ZFHX4: variants seen among roughly 807,000 people sequenced by gnomAD.
ZFHX4 encodes the protein zinc finger homeobox 4.
ZFHX4 carries 56 observed loss-of-function variants against 267.6 expected under a neutral mutation model. The ratio of observed to expected loss-of-function variants is 0.21; its 90% CI spans 0.17 to 0.26. ZFHX4 has a LOEUF of 0.26. ZFHX4 is among the 10% of genes least tolerant of loss of function. The pLI, the probability that ZFHX4 is intolerant of heterozygous loss-of-function variation, is 1.00. For synonymous variants in ZFHX4, 1,778 were observed against 1,665.6 expected, an observed-to-expected ratio of 1.07 and a Z score of -1.64; for missense variants, 4,332 against 4,420.0, an observed-to-expected ratio of 0.98 and a Z score of 0.56.
At chr8:76,816,391 C>A (rs1024503806) in intron 4 of ZFHX4, among the ~76,000 whole-genome samples, 1 of 152,020 alleles carries the variant, frequency 6.6e-6, no homozygotes, top group Non-Finnish European at 1.5e-5. Context: ...GGTTCTTTTG[C>A]CTCAAGAATA....
At chr8:76,690,326 T>A (rs1807792240) in intron 1 of ZFHX4, among the ~76,000 whole-genome samples, 1 of 152,070 alleles carries the variant, frequency 6.6e-6, no homozygotes, top group Non-Finnish European at 1.5e-5. Flanking sequence ...AATCCATAGT[T>A]CTAACAATGT....
At chr8:76,692,660 A>G (rs542755225) in intron 1 of ZFHX4, among the ~76,000 whole-genome samples, 7 of 152,196 alleles carry the variant, frequency 4.6e-5, no homozygotes, top group African/African-American at 1.4e-4. Context: ...ATATAAATAC[A>G]ATTTTTTGAA....
intron 3 of ZFHX4, among the ~76,000 whole-genome samples, chr8:76,737,374 C>G (rs528322566): frequency 1.3e-5 from 2 of 152,230 alleles, no homozygotes; most frequent in Admixed American, 6.5e-5. Context: ...ACATTTTATT[C>G]TGATGGATTA....
chr8:76,740,944 A>G (rs1809299817), intron 3 of ZFHX4, among the ~76,000 whole-genome samples: 1 of 152,292 alleles, frequency 6.6e-6, no homozygotes, highest in Admixed American at 6.5e-5. Flanking sequence ...TAGTTTTGAA[A>G]AATCACATCA....
chr8:76,685,735 G>T (rs771271654), intron 1 of ZFHX4, among the ~76,000 whole-genome samples: 3 of 152,104 alleles, frequency 2.0e-5, no homozygotes, highest in Non-Finnish European at 4.4e-5. Flanking sequence ...TGGGGCAGAG[G>T]AGTTTTCAAT....
intron 4 of ZFHX4, among the ~76,000 whole-genome samples, chr8:76,824,336 T>C (rs1392963100): frequency 1.3e-5 from 2 of 152,190 alleles, no homozygotes; most frequent in East Asian, 1.9e-4. Context: ...AATCCAATAT[T>C]TGTGTACAGA....
intron 3 of ZFHX4, among the ~76,000 whole-genome samples, chr8:76,734,078 GTACT>G (rs1435752416): frequency 2.6e-5 from 4 of 152,122 alleles, no homozygotes; most frequent in Admixed American, 2.6e-4. Flanking sequence ...GGGCTTAGGA[GTACT>G]TAGTTATCCC....
chr8:76,789,226 G>T (rs1585946532), intron 4 of ZFHX4, among the ~76,000 whole-genome samples: 1 of 152,108 alleles, frequency 6.6e-6, no homozygotes, highest in East Asian at 1.9e-4. Context: ...AGACTGTTTT[G>T]ACTGTCTACA....
At chr8:76,735,329 G>A (rs1809130400) in intron 3 of ZFHX4, among the ~76,000 whole-genome samples, 1 of 152,076 alleles carries the variant, frequency 6.6e-6, no homozygotes, top group South Asian at 2.1e-4. Context: ...ATTTCAGAAA[G>A]TGTTACAAGA....
Position 76,762,292 on chromosome 8 carries a change from T to C in ZFHX4, c.3094-15916T>C, listed in dbSNP as rs369215577. Among the ~76,000 whole-genome samples the C allele has an allele frequency of 1.1e-4, 17 of 152,262 alleles. 1 individual carries two copies. Among genetic ancestry groups the C allele is most frequent in the African/African-American group, 4.1e-4 (17 of 41,556 alleles). On this transcript the variant is annotated intron_variant, in intron 3 of 10. Transcript: ENST00000651372. ...ATAGAGTACAGTAATTATTTCTCTA[T>C]TAGGCATAAGAACTTCTAGCAACAA...
chr8:76,717,156 C>G (rs1808597430), intron 3 of ZFHX4, among the ~76,000 whole-genome samples: 1 of 152,124 alleles, frequency 6.6e-6, no homozygotes, highest in South Asian at 2.1e-4. Flanking sequence ...CTTGCTACTT[C>G]TTAGGATTTA....
chr8:76,847,907 G>A (rs1173608212), intron 6 of ZFHX4, among the ~76,000 whole-genome samples: 2 of 152,002 alleles, frequency 1.3e-5, no homozygotes, highest in Middle Eastern at 3.2e-3. Flanking sequence ...GATTACGCCT[G>A]GACTATATAT....
Position 76,704,458 on chromosome 8 carries a change from G to T in ZFHX4, c.370G>T (p.Val124Leu). Reference sequence around the variant, plus strand: ...GATCAGCGAGTTAGAGGACAGTGACGTGGAAAATCTAACAGGGGAGATCGT... The same window carrying T: ...GATCAGCGAGTTAGAGGACAGTGACTTGGAAAATCTAACAGGGGAGATCGT... ...SEISELEDSD[V>L]ENLTGEIVYQ... Residue 124 changes from valine (V) to leucine (L), a missense_variant, in exon 2 of 11, where the codon GTG becomes TTG. Coordinates refer to ENST00000651372, the MANE Select transcript of ZFHX4 (RefSeq NM_024721.5). 6.2e-7 allele frequency: 1 copy of T among 1,613,996 alleles called. No individual in the cohort carries two copies. Among genetic ancestry groups the T allele is most frequent in the South Asian group, 1.1e-5 (1 of 91,076 alleles).
At chr8:76,766,411 G>C (rs904816965) in intron 3 of ZFHX4, among the ~76,000 whole-genome samples, 1 of 152,014 alleles carries the variant, frequency 6.6e-6, no homozygotes, top group South Asian at 2.1e-4. Flanking sequence ...TATTTAAAAC[G>C]ATCTGTTCCA....
At chr8:76,754,627 A>G (rs1397824238) in intron 3 of ZFHX4, among the ~76,000 whole-genome samples, 1 of 152,214 alleles carries the variant, frequency 6.6e-6, no homozygotes, top group Admixed American at 6.5e-5. Flanking sequence ...ATACACGTAT[A>G]TGATGTGTGG....
chr8:76,732,721 G>T (rs1263758428), intron 3 of ZFHX4, among the ~76,000 whole-genome samples: 1 of 152,178 alleles, frequency 6.6e-6, no homozygotes. Context: ...GCAAAAATGG[G>T]CAAGGGCTTT....
chr8:76,822,416 T>C (rs184785205), intron 4 of ZFHX4, among the ~76,000 whole-genome samples: 75 of 151,808 alleles, frequency 4.9e-4, no homozygotes, highest in African/African-American at 1.7e-3. Flanking sequence ...CTTTGGCCAC[T>C]ATTTTACCAA....
At chr8:76,811,038 A>G (rs1811364199) in intron 4 of ZFHX4, among the ~76,000 whole-genome samples, 1 of 152,142 alleles carries the variant, frequency 6.6e-6, no homozygotes, top group Admixed American at 6.6e-5. Flanking sequence ...AGCAGTATAT[A>G]TCTAAAGAGC....
At chr8:76,801,126 T>C (rs1056929367) in intron 4 of ZFHX4, among the ~76,000 whole-genome samples, 1 of 152,096 alleles carries the variant, frequency 6.6e-6, no homozygotes, top group South Asian at 2.1e-4. Context: ...CTTAATTGAC[T>C]GGAGAGAATG....
Sources: allele counts gnomAD v4.1 joint callset (sites outside exome capture counted in the v4.1 genomes callset), GRCh38; gene constraint gnomAD v4.1.1; transcripts MANE v1.5; gene names NCBI Gene and HGNC (gene_info 2026-07-23, HGNC 2026-07-21).